The following STIL variants were observed in gnomAD, a reference collection of about 807,000 sequenced individuals.
The protein encoded by STIL is STIL centriolar assembly protein, also known as SCL-interrupting locus protein.
STIL carries 55 observed loss-of-function variants against 110.1 expected under a neutral mutation model. The observed-to-expected ratio is 0.50, with a 90% CI of 0.40 to 0.63. The LOEUF is 0.63. STIL is among the 20% of genes least tolerant of loss of function. The pLI is 0.00. For synonymous variants in STIL, 481 were observed against 530.0 expected (o/e 0.91, Z 1.27); for missense variants, 1,358 against 1,530.0 (o/e 0.89, Z 1.87).
In STIL at chr1:47,269,708, C is replaced by T. The variant is rs587784449; in HGVS notation, c.2542G>A (p.Val848Ile). The T allele has an allele frequency of 7.4e-6, 12 of 1,614,060 alleles. 1 individual carries two copies. The Admixed American group carries it at 8.3e-5, about 11-fold the overall frequency. Residue 848 changes from valine to isoleucine, a missense_variant, in exon 14 of 17, where the codon GTT becomes ATT. Transcript: ENST00000371877. ...LPGSASSLKA[V>I]DIPSFEESNI... is the part of the protein sequence containing the mutation. Reference sequence around the variant, plus strand: ...CTCTCTTCAAAACTGGGAATATCAACTGCTTTTAATGAAGATGCACTACCT... The same window carrying T: ...CTCTCTTCAAAACTGGGAATATCAATTGCTTTTAATGAAGATGCACTACCT...
intron 2 of STIL, 70 bp downstream of exon 2, chr1:47,310,206 C>G (rs1012282143): frequency 6.8e-7 from 1 of 1,465,042 alleles, no homozygotes; most frequent in African/African-American, 1.4e-5. Context: ...ATTCTTTTTT[C>G]TCTTCCAACC....
At chr1:47,269,909 T>C in intron 13 of STIL, 43 bp from the exon 14 acceptor site, 1 of 1,548,868 alleles carries the variant, frequency 6.5e-7, no homozygotes, top group South Asian at 1.1e-5. Context: ...AACATTCAAC[T>C]TTAAAAATAA....
chr1:47,252,767 A>G (rs957070645), intron 16 of STIL, among the ~76,000 whole-genome samples: 1 of 143,458 alleles, frequency 7.0e-6, no homozygotes, highest in Non-Finnish European at 1.5e-5. Context: ...CAGTCTCTGG[A>G]TATGGGCTTA....
At chr1:47,289,688 AG>A in intron 8 of STIL, 103 bp from the exon 9 acceptor site, 1 of 1,201,320 alleles carries the variant, frequency 8.3e-7, no homozygotes, top group Non-Finnish European at 1.2e-6. Context: ...AATGACTAAA[AG>A]GTGCAATTTT....
rs554197252 is a variant in STIL, at chr1:47,295,142, T to TGAACTCCTGACCTC, written c.785+609_785+622dup. ...TTCACCATGTTATCCAGGCTGGCCTTGAACTCCTGACCTCGAACTCCTGAC... is the reference window on the plus strand; with the variant it reads ...TTCACCATGTTATCCAGGCTGGCCTTGAACTCCTGACCTCGAACTCCTGACCTCGAACTCCTGAC... On this transcript the variant is annotated intron_variant, in intron 7 of 16. Transcript: ENST00000371877. Among the ~76,000 whole-genome samples, 566 of 152,080 alleles carry TGAACTCCTGACCTC rather than the reference T, an allele frequency of 3.7e-3. 3 individuals carry two copies. The highest frequency in any genetic ancestry group is 0.013 in the African/African-American group (542 of 41,500).
chr1:47,283,972 C>T (rs969293987), intron 10 of STIL: 10 of 152,086 alleles, frequency 6.6e-5, no homozygotes, highest in Admixed American at 6.6e-4. Context: ...GACTTCAGTT[C>T]ACAGCAACCT....
intron 2 of STIL, among the ~76,000 whole-genome samples, chr1:47,306,997 C>T (rs747680367): frequency 6.6e-6 from 1 of 152,058 alleles, no homozygotes; most frequent in African/African-American, 2.4e-5. Flanking sequence ...ACTAGAAATA[C>T]AAAATTAGCC....
rs776777269 is a variant in STIL, at chr1:47,260,538, C to T, written c.2831G>A (p.Gly944Asp). The change falls in exon 16 of 17, where the codon GGT becomes GAT. Residue 944 changes from glycine (G) to aspartate (D), a missense_variant and splice_region_variant. Transcript: ENST00000371877. ...DNQKIYQDLL[G>D]QVNHLLNSSS... is the part of the protein sequence containing the mutation. ...ACTATTTAATAGGTGGTTTACTTGACCCTGACAAAAAGAAAAAAAATTTTT... is the reference window on the plus strand; with the variant it reads ...ACTATTTAATAGGTGGTTTACTTGATCCTGACAAAAAGAAAAAAAATTTTT... 7 of 1,613,864 alleles carry T rather than the reference C, an allele frequency of 4.3e-6. No individual in the cohort carries two copies. Among genetic ancestry groups the T allele is most frequent in the Non-Finnish European group, 5.9e-6 (7 of 1,179,990 alleles).
intron 16 of STIL, among the ~76,000 whole-genome samples, chr1:47,253,181 T>C (rs958862016): frequency 7.9e-5 from 12 of 152,248 alleles, no homozygotes; most frequent in Non-Finnish European, 1.8e-4. Context: ...ATTATTCATA[T>C]ACATTCCTTA....
At chr1:47,295,142 TGAACTCCTGACCTC>T (rs554197252) in intron 7 of STIL, among the ~76,000 whole-genome samples, 3 of 151,964 alleles carry the variant, frequency 2.0e-5, no homozygotes, top group Non-Finnish European at 4.4e-5. Flanking sequence ...AGGCTGGCCT[TGAACTCCTGACCTC>T]GAACTCCTGA....
At position 47,251,321 on chromosome 1, in the gene STIL, C is replaced by A; in HGVS notation, c.3682G>T (p.Ala1228Ser). 1.2e-6 allele frequency: 2 copies of A among 1,614,162 alleles called. No individual in the cohort carries two copies. Among genetic ancestry groups the A allele is most frequent in the Admixed American group, 1.7e-5 (1 of 60,014 alleles). The change falls in exon 17 of 17, where the codon GCA becomes TCA. Residue 1228 changes from alanine to serine, a missense_variant. By Grantham distance (99) the Ala-to-Ser change is moderately conservative (BLOSUM62 1). Coordinates refer to ENST00000371877, the MANE Select transcript of STIL (RefSeq NM_001048166.1). ...FLVKNLKPSP[A>S]VNLRTGKAEF... is the part of the protein sequence containing the mutation. ...GCTTTCCCGGTTCGAAGGTTCACTG[C>A]AGGACTTGGTTTAAGGTTCTTTACT... is the stretch of plus-strand genomic sequence containing the variant.
At chr1:47,299,862 T>C in intron 6 of STIL, 43 bp downstream of exon 6, 1 of 1,584,118 alleles carries the variant, frequency 6.3e-7, no homozygotes, top group Non-Finnish European at 8.6e-7. Context: ...TCTGAAAATA[T>C]ACTAATGCAA....
At chr1:47,264,571 T>C (rs909854307) in intron 14 of STIL, among the ~76,000 whole-genome samples, 34 of 152,234 alleles carry the variant, frequency 2.2e-4, no homozygotes, top group African/African-American at 7.9e-4. Context: ...CAATAACCAA[T>C]GAAGCTGCAA....
chr1:47,308,613 G>A (rs374545043), intron 2 of STIL, among the ~76,000 whole-genome samples: 14 of 151,910 alleles, frequency 9.2e-5, no homozygotes, highest in Middle Eastern at 3.4e-3. Flanking sequence ...CAGAGGCTGG[G>A]AAGAGTAGTA....
intron 16 of STIL, among the ~76,000 whole-genome samples, chr1:47,259,393 C>T (rs1644421090): frequency 6.9e-6 from 1 of 145,496 alleles, no homozygotes; most frequent in African/African-American, 2.5e-5. Context: ...CGGGTTCAGG[C>T]AATTCTCTTG....
intron 7 of STIL, among the ~76,000 whole-genome samples, 176 bp downstream of exon 7, chr1:47,295,589 T>C (rs1315800038): frequency 1.3e-5 from 2 of 151,998 alleles, no homozygotes; most frequent in Non-Finnish European, 2.9e-5. Flanking sequence ...AAAAAAAAGA[T>C]TGGGTAAAAT....
At chr1:47,286,501 G>T (rs1030917606) in intron 10 of STIL, among the ~76,000 whole-genome samples, 2 of 151,740 alleles carry the variant, frequency 1.3e-5, no homozygotes, top group Admixed American at 1.3e-4. Flanking sequence ...GAGGTCAAGA[G>T]ATCGAGACCA....
At chr1:47,288,539 C>T (rs745771617) in intron 9 of STIL, among the ~76,000 whole-genome samples, 15 of 151,844 alleles carry the variant, frequency 9.9e-5, no homozygotes, top group Non-Finnish European at 1.6e-4. Context: ...TCAGGTGATC[C>T]GCCCACCTCG....
At chr1:47,308,741 A>G (rs952015479) in intron 2 of STIL, among the ~76,000 whole-genome samples, 2 of 152,182 alleles carry the variant, frequency 1.3e-5, no homozygotes, top group Non-Finnish European at 2.9e-5. Context: ...ACAACTTAAA[A>G]GTAATAAATA....
Sources: allele counts gnomAD v4.1 joint callset (sites outside exome capture counted in the v4.1 genomes callset), GRCh38; gene constraint gnomAD v4.1.1; transcripts MANE v1.5; gene names NCBI Gene and HGNC (gene_info 2026-07-23, HGNC 2026-07-21).